Variants in UBE2H observed in about 807,000 individuals in gnomAD.
The protein encoded by UBE2H is ubiquitin-conjugating enzyme E2 H.
UBE2H carries 3 observed loss-of-function variants against 29.0 expected under a neutral mutation model. That is an observed-to-expected ratio of 0.10 (90% CI 0.05 to 0.27). UBE2H has a LOEUF of 0.27. UBE2H is among the 10% of genes least tolerant of loss of function. The probability of loss-of-function intolerance (pLI) is 1.00; values close to 1 mark genes in which losing one functional copy is unlikely to be tolerated. For missense variants in UBE2H, 68 were observed against 228.2 expected (o/e 0.30, Z 4.52); for synonymous variants, 69 against 82.9 (o/e 0.83, Z 0.91).
At chr7:129,947,322 CT>C (rs2116533254) in intron 1 of UBE2H, among the ~76,000 whole-genome samples, 1 of 152,280 alleles carries the variant, frequency 6.6e-6, no homozygotes, top group Non-Finnish European at 1.5e-5. Flanking sequence ...AAATCTTTAA[CT>C]TTTAGCTTGA....
At chr7:129,949,105 G>A (rs907433816) in intron 1 of UBE2H, 3 of 448,784 alleles carry the variant, frequency 6.7e-6, no homozygotes, top group African/African-American at 6.0e-5. Context: ...AGGGGCCACT[G>A]GTTCACAGAT....
rs1025825318 is a variant in UBE2H, at chr7:129,860,653, A to G, written c.206-1712T>C. On this transcript the variant is annotated intron_variant, in intron 3 of 6. Transcript: ENST00000355621. ...ACATCCATCTACCTGAGTCCTATAC[A>G]GCCAAGGGTAATGAAGTAGATCCAT... is the stretch of plus-strand genomic sequence containing the variant. Among the ~76,000 whole-genome samples, 14 of 152,240 alleles carry G rather than the reference A, an allele frequency of 9.2e-5. 2 individuals are homozygous for G. Among genetic ancestry groups the G allele is most frequent in the Admixed American group, 3.3e-4 (5 of 15,290 alleles).
rs78781270 is a variant in UBE2H, at chr7:129,949,986, T to C, written c.53+2517A>G. Among the ~76,000 whole-genome samples the C allele has an allele frequency of 8.2e-3, 1,248 of 152,282 alleles. 24 individuals are homozygous for C. The highest frequency in any genetic ancestry group is 0.029 in the African/African-American group (1,194 of 41,554). On this transcript the variant is annotated intron_variant, in intron 1 of 6. Transcript: ENST00000355621. ...ACCATCTTTCTCAACCCCCAGCCTT[T>C]TCACACAATTGTACTCATTTTAGTA...
chr7:129,849,887 A>G (rs1258284260), intron 5 of UBE2H, among the ~76,000 whole-genome samples: 1 of 152,254 alleles, frequency 6.6e-6, no homozygotes, highest in African/African-American at 2.4e-5. Context: ...TAAAAAGTCT[A>G]AGCTCAGCAG....
At chr7:129,914,354 A>C (rs927256409) in intron 1 of UBE2H, among the ~76,000 whole-genome samples, 1 of 151,952 alleles carries the variant, frequency 6.6e-6, no homozygotes, top group African/African-American at 2.4e-5. Context: ...TTTAGTAGAG[A>C]TGGGGTTTTG....
At position 129,850,583 on chromosome 7, in the gene UBE2H, C is replaced by T. The variant is rs1274771078; in HGVS notation, c.298+6928G>A. 2.0e-5 allele frequency among the ~76,000 whole-genome samples: 3 copies of T among 152,000 alleles called. No homozygotes were observed. The East Asian group carries it at 5.8e-4, about 29-fold the overall frequency. ...CTGTAATCCCAGTACTTTGGGAGGC[C>T]GAGGCAGGTGGATCATGAGGTCAGG... On this transcript the variant is annotated intron_variant, in intron 5 of 6. Transcript: ENST00000355621.
intron 1 of UBE2H, among the ~76,000 whole-genome samples, chr7:129,926,719 T>C (rs889656490): frequency 2.0e-5 from 3 of 152,014 alleles, no homozygotes; most frequent in African/African-American, 7.2e-5. Context: ...TTTCAACCTG[T>C]GAGTAAATTC....
At chr7:129,919,158 T>C (rs553333821) in intron 1 of UBE2H, among the ~76,000 whole-genome samples, 2 of 147,384 alleles carry the variant, frequency 1.4e-5, no homozygotes, top group African/African-American at 5.0e-5. Flanking sequence ...AAAGGAAATG[T>C]GTCATATGCT....
At chr7:129,857,455 C>T (rs1805727019) in intron 5 of UBE2H, 56 bp downstream of exon 5, 2 of 1,557,466 alleles carry the variant, frequency 1.3e-6, no homozygotes, top group Admixed American at 1.9e-5. Context: ...AGCCAAACAA[C>T]ATTTTTTTAG....
chr7:129,831,753 T>C lies in UBE2H; in HGVS notation c.*3184A>G, dbSNP rs1268634810. 6.6e-6 allele frequency: 1 copy of C among 152,220 alleles called. No individual in the cohort carries two copies. Among genetic ancestry groups the C allele is most frequent in the African/African-American group, 2.4e-5 (1 of 41,456 alleles). The allele number at this position is 152,220 out of a possible 1,614,324, so 9.4% of individuals were successfully genotyped here. A position where few individuals can be genotyped will look rare whatever the true frequency, so the allele number is the denominator to read the frequency against. On this transcript the variant is annotated 3_prime_UTR_variant, in exon 7 of 7. Coordinates refer to ENST00000355621, the MANE Select transcript of UBE2H (RefSeq NM_003344.4). ...TGTCTAAGATGGCTACCACTGACCC[T>C]GTGCCCAAAAGCCCCCCGGTGCTGG...
chr7:129,869,126 C>T (rs148488279), intron 3 of UBE2H, among the ~76,000 whole-genome samples: 22 of 151,934 alleles, frequency 1.4e-4, no homozygotes, highest in African/African-American at 3.1e-4. Flanking sequence ...AGTATAGAGA[C>T]GGGGTTTCTC....
chr7:129,923,292 G>A (rs572829710), intron 1 of UBE2H, among the ~76,000 whole-genome samples: 3 of 152,114 alleles, frequency 2.0e-5, no homozygotes, highest in African/African-American at 4.8e-5. Context: ...CCTGCTTTTC[G>A]TAAGTTTGGT....
At chr7:129,952,435 CG>C (rs3840552) in intron 1 of UBE2H, 67 bp downstream of exon 1, 231,946 of 1,578,686 alleles carry the variant, frequency 0.15, 17,924 homozygotes, top group East Asian at 0.18. Context: ...GCAGTGGTTC[CG>C]GGGGTGCCCT....
At chr7:129,843,973 C>T (rs1416634549) in intron 5 of UBE2H, among the ~76,000 whole-genome samples, 4 of 152,202 alleles carry the variant, frequency 2.6e-5, no homozygotes, top group Non-Finnish European at 4.4e-5. Context: ...AGGAGTTTAG[C>T]GTGTCCCAGA....
At chr7:129,934,124 C>T (rs1807466530) in intron 1 of UBE2H, among the ~76,000 whole-genome samples, 1 of 152,050 alleles carries the variant, frequency 6.6e-6, no homozygotes. Context: ...GAGTTTGAGA[C>T]CACCCTGGGC....
chr7:129,868,937 T>C (rs796573891), intron 3 of UBE2H, among the ~76,000 whole-genome samples: 171 of 83,312 alleles, frequency 2.1e-3, no homozygotes, highest in African/African-American at 7.9e-3. Context: ...CTCTCTCTCT[T>C]TTTTTTTTTT....
intron 1 of UBE2H, among the ~76,000 whole-genome samples, chr7:129,923,081 T>C (rs907585649): frequency 2.0e-5 from 3 of 151,984 alleles, no homozygotes; most frequent in African/African-American, 7.3e-5. Context: ...TTTGTATTTT[T>C]AGTAGAGACA....
At chr7:129,867,879 G>A (rs973431584) in intron 3 of UBE2H, among the ~76,000 whole-genome samples, 2 of 151,524 alleles carry the variant, frequency 1.3e-5, no homozygotes, top group South Asian at 2.1e-4. Flanking sequence ...CAACTAGTGC[G>A]TAGTCATACA....
chr7:129,928,469 G>A (rs554582382), intron 1 of UBE2H, among the ~76,000 whole-genome samples: 3 of 152,246 alleles, frequency 2.0e-5, no homozygotes, highest in African/African-American at 7.2e-5. Context: ...CGGGTGTGGT[G>A]GCACACACCT....
Sources: gnomAD v4.1 joint callset for allele counts (sites outside exome capture counted in the v4.1 genomes callset) on GRCh38, gnomAD v4.1.1 for gene constraint, MANE v1.5 for transcripts, NCBI Gene and HGNC (gene_info 2026-07-23, HGNC 2026-07-21) for gene names.